Variants in BCL7C observed in about 807,000 individuals in gnomAD.
The protein encoded by BCL7C is B-cell CLL/lymphoma 7 protein family member C.
Under a neutral mutation model 26.2 loss-of-function variants are expected in BCL7C, and 8 were observed. The observed-to-expected ratio is 0.30, with a 90% confidence interval of 0.18 to 0.55. The LOEUF is 0.55. Among genes scored for constraint, BCL7C ranks in the 20% least tolerant of loss-of-function variants. BCL7C has a pLI of 0.93. For synonymous variants in BCL7C, 90 were observed against 116.5 expected, an observed-to-expected ratio of 0.77 and a Z score of 1.47; for missense variants, 262 against 298.5, an observed-to-expected ratio of 0.88 and a Z score of 0.90.
intron 5 of BCL7C, among the ~76,000 whole-genome samples, chr16:30,862,140 C>T (rs949078576): frequency 3.3e-5 from 5 of 152,018 alleles, no homozygotes; most frequent in Admixed American, 6.6e-5. Flanking sequence ...CCGGCCTGGA[C>T]AACATTCTTT....
chr16:30,892,555 G>T, intron 4 of BCL7C, 31 bp downstream of exon 4: 1 of 1,528,312 alleles, frequency 6.5e-7, no homozygotes. Flanking sequence ...GGACTTAGAG[G>T]AGAGAGCTCC....
chr16:30,872,866 T>C (rs2054893533), intron 5 of BCL7C, among the ~76,000 whole-genome samples: 1 of 152,228 alleles, frequency 6.6e-6, no homozygotes, highest in Admixed American at 6.5e-5. Flanking sequence ...AATCATGCAC[T>C]TCTTTACAGG....
chr16:30,862,205 C>T (rs1347256083), intron 5 of BCL7C, among the ~76,000 whole-genome samples: 1 of 152,148 alleles, frequency 6.6e-6, no homozygotes, highest in East Asian at 1.9e-4. Flanking sequence ...TAGGTCGAGA[C>T]ATTTTAACCA....
intron 5 of BCL7C, among the ~76,000 whole-genome samples, chr16:30,863,062 C>A (rs182310300): frequency 2.6e-5 from 4 of 152,096 alleles, no homozygotes; most frequent in East Asian, 1.9e-4. Context: ...CTGGCCCCCC[C>A]ACATTATTCC....
intron 5 of BCL7C, 46 bp from the exon 6 acceptor site, chr16:30,888,036 G>A (rs1463728478): frequency 1.3e-5 from 21 of 1,561,680 alleles, no homozygotes; most frequent in South Asian, 3.6e-5. Flanking sequence ...GAACCCAGGC[G>A]TCCAGCCTCT....
At chr16:30,835,291 G>C (rs1208366617) in intron 5 of BCL7C, 2 of 742,756 alleles carry the variant, frequency 2.7e-6, no homozygotes, top group South Asian at 2.3e-5. Context: ...GGGTATTTTT[G>C]AGAGCAGGCA....
At chr16:30,861,309 C>A (rs971883413) in intron 5 of BCL7C, among the ~76,000 whole-genome samples, 14 of 152,184 alleles carry the variant, frequency 9.2e-5, no homozygotes, top group Admixed American at 7.2e-4. Context: ...TTCTGAGTTG[C>A]AACTCCTTGC....
chr16:30,844,028 C>T (rs1196401344), intron 5 of BCL7C, among the ~76,000 whole-genome samples: 4 of 114,248 alleles, frequency 3.5e-5, no homozygotes, highest in East Asian at 2.4e-4. Flanking sequence ...GGCGACAAAG[C>T]GAGACTCTGC....
intron 5 of BCL7C, among the ~76,000 whole-genome samples, chr16:30,868,637 T>A (rs755513413): frequency 2.0e-5 from 3 of 151,236 alleles, no homozygotes; most frequent in East Asian, 4.0e-4. Flanking sequence ...AATACAAAAT[T>A]AGCCAGGTGT....
intron 5 of BCL7C, among the ~76,000 whole-genome samples, chr16:30,854,568 AT>A (rs1479313760): frequency 6.6e-6 from 1 of 152,142 alleles, no homozygotes; most frequent in Non-Finnish European, 1.5e-5. Flanking sequence ...TTAGGCATCC[AT>A]TTTCAGAATA....
Position 30,887,885 on chromosome 16 carries a change from G to A in BCL7C, c.634C>T (p.Pro212Ser), listed in dbSNP as rs767270434. 2 of 1,599,130 alleles carry A rather than the reference G, an allele frequency of 1.3e-6. No individual in the cohort carries two copies. The highest frequency in any genetic ancestry group is 1.7e-6 in the Non-Finnish European group (2 of 1,173,702). The stretch of plus-strand genomic sequence containing the variant: ...GCTTCTCAGGGGTCAGGGGCATTTG[G>A]GCAGATGCGCTTGAGTGGGGGGGCA... ...EGAPPLKRIC[P>S]NAPDP The change falls in exon 6 of 6, where the codon CCA becomes TCA. Residue 212 changes from proline (P) to serine (S), a missense_variant. Transcript: ENST00000215115.
intron 5 of BCL7C, among the ~76,000 whole-genome samples, chr16:30,865,895 T>A (rs977750972): frequency 6.6e-6 from 1 of 150,810 alleles, no homozygotes; most frequent in Non-Finnish European, 1.5e-5. Flanking sequence ...CCCTAATTTT[T>A]TTTTTTTTTT....
At chr16:30,851,174 G>T in intron 5 of BCL7C, 2 of 277,532 alleles carry the variant, frequency 7.2e-6, no homozygotes, top group South Asian at 7.4e-5. Context: ...TTGAAGAAGT[G>T]GTAGTCAGTT....
At chr16:30,888,147 AAAC>A (rs1462013515) in intron 5 of BCL7C, among the ~76,000 whole-genome samples, 157 bp from the exon 6 acceptor site, 16 of 152,172 alleles carry the variant, frequency 1.1e-4, no homozygotes, top group Admixed American at 5.2e-4. Context: ...CAGGCACCAA[AAAC>A]AACAACGACA....
chr16:30,837,750 G>A lies in BCL7C; in HGVS notation c.529-2602C>T, dbSNP rs549715794. 2.0e-5 allele frequency among the ~76,000 whole-genome samples: 3 copies of A among 152,280 alleles called. No individual in the cohort carries two copies. The East Asian group carries it at 5.8e-4, about 29-fold the overall frequency. On this transcript the variant is annotated intron_variant, in intron 5 of 5. Transcript: ENST00000380317. ...TAGTTTATTGAAGAGGGCAGGGGGT[G>A]GTAGCAGGAACAGACATCAGAGAGG...
chr16:30,856,069 A>G (rs1219693441), intron 5 of BCL7C, among the ~76,000 whole-genome samples: 2 of 151,112 alleles, frequency 1.3e-5, no homozygotes, highest in African/African-American at 4.8e-5. Context: ...CTAAAAAAAA[A>G]AAAAAAAAAA....
At chr16:30,892,155 T>C (rs1275583505) in intron 4 of BCL7C, among the ~76,000 whole-genome samples, 1 of 149,604 alleles carries the variant, frequency 6.7e-6, no homozygotes, top group Non-Finnish European at 1.5e-5. Context: ...TGGTCCCAGC[T>C]ACTTGGGAGG....
At chr16:30,844,735 A>G (rs1400122468) in intron 5 of BCL7C, among the ~76,000 whole-genome samples, 2 of 152,190 alleles carry the variant, frequency 1.3e-5, no homozygotes, top group African/African-American at 4.8e-5. Flanking sequence ...CAGAGAGCCT[A>G]TGTGGGGATT....
intron 5 of BCL7C, among the ~76,000 whole-genome samples, chr16:30,873,829 C>T (rs1052065354): frequency 2.7e-5 from 3 of 111,794 alleles, no homozygotes; most frequent in African/African-American, 1.0e-4. Context: ...CCATCCTGGG[C>T]CACAGAGCTA....
Sources: allele counts gnomAD v4.1 joint callset (sites outside exome capture counted in the v4.1 genomes callset), GRCh38; gene constraint gnomAD v4.1.1; transcripts MANE v1.5; gene names NCBI Gene and HGNC (gene_info 2026-07-23, HGNC 2026-07-21).